CEMIP: variants seen among roughly 807,000 people sequenced by gnomAD.
The protein encoded by CEMIP is cell migration-inducing and hyaluronan-binding protein.
Under a neutral mutation model 156.9 loss-of-function variants are expected in CEMIP, and 105 were observed. That is an observed-to-expected ratio of 0.67 (90% CI 0.57 to 0.79). The LOEUF (loss-of-function observed/expected upper bound fraction) is 0.79. Among genes scored for constraint, CEMIP ranks in the 30% least tolerant of loss-of-function variants. CEMIP has a pLI of 0.00. For missense variants in CEMIP, 1,457 were observed against 1,769.4 expected (o/e 0.82, Z 3.17); for synonymous variants, 676 against 668.4 (o/e 1.01, Z -0.17).
chr15:80,864,900 G>A (rs1331913606), intron 1 of CEMIP, among the ~76,000 whole-genome samples: 1 of 152,178 alleles, frequency 6.6e-6, no homozygotes, highest in Non-Finnish European at 1.5e-5. Context: ...TTGGTCAGTA[G>A]GTCTGGAGTG....
chr15:80,927,641 T>C (rs1263459220), intron 19 of CEMIP, among the ~76,000 whole-genome samples: 2 of 152,150 alleles, frequency 1.3e-5, no homozygotes. Flanking sequence ...CATTCCAAGG[T>C]AGCCTAGGAT....
At chr15:80,848,439 G>A (rs1449767100) in intron 1 of CEMIP, among the ~76,000 whole-genome samples, 1 of 152,190 alleles carries the variant, frequency 6.6e-6, no homozygotes, top group Non-Finnish European at 1.5e-5. Context: ...ATAGACCTGT[G>A]GCTCAGGAAA....
In CEMIP at chr15:80,878,748, C is replaced by T. The variant is rs1019087579; in HGVS notation, c.122C>T (p.Pro41Leu). The change falls in exon 4 of 30, where the codon CCT becomes CTT. Residue 41 changes from proline to leucine, a missense_variant. Transcript: ENST00000394685. ...GCTGCTGGGTGCCCTGACCAGAGCC[C>T]TGAGTTGCAACCCTGGAACCCTGGC... The part of the protein sequence containing the change: ...TVAAGCPDQS[P>L]ELQPWNPGHD... 4 of 1,614,164 alleles carry T rather than the reference C, an allele frequency of 2.5e-6. No individual in the cohort carries two copies. The highest frequency in any genetic ancestry group is 3.4e-6 in the Non-Finnish European group (4 of 1,180,028).
chr15:80,826,414 C>A (rs1379422350), intron 1 of CEMIP, among the ~76,000 whole-genome samples: 1 of 152,162 alleles, frequency 6.6e-6, no homozygotes, highest in East Asian at 1.9e-4. Flanking sequence ...TTAGAATAAG[C>A]TGGTCAGTAC....
At chr15:80,897,452 A>G (rs1457966930) in intron 12 of CEMIP, 2 of 422,074 alleles carry the variant, frequency 4.7e-6, no homozygotes, top group Non-Finnish European at 4.8e-6. Context: ...CAGTCCACAA[A>G]CAATGCAGCT....
rs1161394658 is a variant in CEMIP, at chr15:80,942,299, C to T, written c.3661C>T (p.His1221Tyr). 1.2e-6 allele frequency: 2 copies of T among 1,614,048 alleles called. No individual in the cohort carries two copies. Among genetic ancestry groups the T allele is most frequent in the African/African-American group, 2.7e-5 (2 of 74,930 alleles). ...LEVKMESSKQ[H>Y]FFHLWNDFAY... ...GGTGAAGATGGAGAGTTCCAAGCAG[C>T]ACTTCTTCCACCTCTGGAACGACTT... The change falls in exon 27 of 30, where the codon CAC (histidine) becomes TAC (tyrosine). Residue 1221 changes from histidine (H) to tyrosine (Y), a missense_variant. Physicochemically the swap from His to Tyr is moderately conservative, Grantham distance 83 (BLOSUM62 2). Transcript: ENST00000394685.
chr15:80,945,371 A>G (rs922681020), intron 28 of CEMIP, among the ~76,000 whole-genome samples: 4 of 152,266 alleles, frequency 2.6e-5, no homozygotes, highest in African/African-American at 9.6e-5. Context: ...CAAGACCTAC[A>G]TTTGAGTCCC....
At position 80,909,245 on chromosome 15, in the gene CEMIP, A is replaced by G; in HGVS notation, c.1736A>G (p.Asp579Gly). 10 of 1,613,648 alleles carry G rather than the reference A, an allele frequency of 6.2e-6. No individual in the cohort carries two copies. The highest frequency in any genetic ancestry group is 8.5e-6 in the Non-Finnish European group (10 of 1,179,948). ...TATGACCCACCCACATACATCAGGG[A>G]CCTCTCCATCCATCATACATTCTCT... ...GGYDPPTYIR[D>G]LSIHHTFSRC... The change falls in exon 14 of 30, where the codon GAC (aspartate) becomes GGC (glycine). Residue 579 changes from aspartate to glycine, a missense_variant. Physicochemically the swap from Asp to Gly is moderately conservative, Grantham distance 94. This residue lies in a region of CEMIP where 53 missense variants were observed against 104.5 expected (regional missense o/e 0.51). Coordinates refer to ENST00000394685, the MANE Select transcript of CEMIP (RefSeq NM_001293298.2).
intron 1 of CEMIP, among the ~76,000 whole-genome samples, chr15:80,796,462 G>T (rs1476905966): frequency 1.3e-5 from 2 of 152,176 alleles, no homozygotes; most frequent in East Asian, 3.9e-4. Flanking sequence ...GTATTCGAAA[G>T]GAGACTGCCA....
intron 1 of CEMIP, among the ~76,000 whole-genome samples, chr15:80,819,293 C>G (rs1453991921): frequency 6.6e-6 from 1 of 152,184 alleles, no homozygotes; most frequent in Non-Finnish European, 1.5e-5. Context: ...CATGGAGAGG[C>G]ACAGGATTTG....
Position 80,840,865 on chromosome 15 carries a change from T to C in CEMIP, c.-175-32673T>C, listed in dbSNP as rs574570768. Among the ~76,000 whole-genome samples, 36 of 152,278 alleles carry C rather than the reference T, an allele frequency of 2.4e-4. No homozygotes were observed. In the East Asian group the frequency reaches 6.4e-3, roughly 27 times the overall value. ...TGGACTGAGCCTTGTGGTCAAGAAA[T>C]AGGCAGGCTTGGAGGCTGTCGGGCT... is the stretch of plus-strand genomic sequence containing the variant. On this transcript the variant is annotated intron_variant, in intron 1 of 29. Transcript: ENST00000394685.
intron 1 of CEMIP, among the ~76,000 whole-genome samples, chr15:80,837,506 G>A (rs1249857839): frequency 6.6e-6 from 1 of 152,150 alleles, no homozygotes; most frequent in Non-Finnish European, 1.5e-5. Flanking sequence ...TGGAGCTTAG[G>A]AAACCAAGGG....
chr15:80,857,065 A>G (rs1173754241), intron 1 of CEMIP, among the ~76,000 whole-genome samples: 2 of 152,254 alleles, frequency 1.3e-5, no homozygotes, highest in Non-Finnish European at 1.5e-5. Context: ...CTCAGATCAA[A>G]GAAGGACTCT....
chr15:80,894,975 CTG>C lies in CEMIP; in HGVS notation c.1087-11_1087-10del, dbSNP rs774697119. ...AAAAAACGACTTTGCTCTGTAATTT[CTG>C]TGTCATTCCCAGGCCACTACAATGG... is the stretch of plus-strand genomic sequence containing the variant. On this transcript the variant is annotated splice_polypyrimidine_tract_variant and intron_variant, in intron 10 of 29. Coordinates refer to ENST00000394685, the MANE Select transcript of CEMIP (RefSeq NM_001293298.2). The C allele has an allele frequency of 6.2e-7, 1 of 1,613,610 alleles. No homozygotes were observed. Among genetic ancestry groups the C allele is most frequent in the East Asian group, 2.2e-5 (1 of 44,850 alleles).
chr15:80,807,425 A>G (rs1401713438), intron 1 of CEMIP, among the ~76,000 whole-genome samples: 1 of 152,158 alleles, frequency 6.6e-6, no homozygotes, highest in African/African-American at 2.4e-5. Context: ...GAGTTTCACT[A>G]TGCTGTCCAG....
At chr15:80,881,247 A>C in intron 6 of CEMIP, 111 bp downstream of exon 6, 1 of 928,782 alleles carries the variant, frequency 1.1e-6, no homozygotes, top group South Asian at 1.3e-5. Context: ...AGTGAATGAA[A>C]CAGATGGGAA....
intron 18 of CEMIP, 141 bp from the exon 19 acceptor site, chr15:80,925,483 A>G: frequency 8.9e-7 from 1 of 1,118,696 alleles, no homozygotes; most frequent in Admixed American, 2.2e-5. Flanking sequence ...TCAAGAGCCC[A>G]GGCAATGCGA....
chr15:80,936,692 A>G lies in CEMIP; in HGVS notation c.3028A>G (p.Lys1010Glu), dbSNP rs752016852. The change falls in exon 24 of 30, where the codon AAG becomes GAG. Residue 1010 changes from lysine to glutamate, a missense_variant. Lys to Glu is a moderately conservative substitution (Grantham distance 56). Coordinates refer to ENST00000394685, the MANE Select transcript of CEMIP (RefSeq NM_001293298.2). ...CYAQMYIQAYKTSNLRMKIIK... is the reference protein window; with the variant it reads ...CYAQMYIQAYETSNLRMKIIK... ...TTAAAAGATGTACATTCAAGCCTAC[A>G]AGACCAGTAACCTGCGAATGAAGAT... 20 of 1,613,910 alleles carry G rather than the reference A, an allele frequency of 1.2e-5. No homozygotes were observed. In the Admixed American group the frequency reaches 3.3e-4, roughly 27 times the overall value.
chr15:80,873,864 GGA>G lies in CEMIP; in HGVS notation c.-14_-13del, dbSNP rs1488146673. The G allele has an allele frequency of 2.5e-6, 4 of 1,568,916 alleles. No homozygotes were observed. Among genetic ancestry groups the G allele is most frequent in the Non-Finnish European group, 3.5e-6 (4 of 1,155,056 alleles). Reference sequence around the variant, plus strand: ...CTGACTCTGTGTGCTTCTCTTTCAGGGAGCACACTGCCAGGATGGGAGCTGCT... The same window carrying G: ...CTGACTCTGTGTGCTTCTCTTTCAGGGCACACTGCCAGGATGGGAGCTGCT... On this transcript the variant is annotated splice_region_variant and 5_prime_UTR_variant, in exon 3 of 30. Transcript: ENST00000394685.
Sources: allele counts gnomAD v4.1 joint callset (sites outside exome capture counted in the v4.1 genomes callset), GRCh38; gene constraint gnomAD v4.1.1; regional missense constraint gnomAD v4.1.1; transcripts MANE v1.5; gene names NCBI Gene and HGNC (gene_info 2026-07-23, HGNC 2026-07-21).